Variants in B4GALNT3 observed in about 807,000 individuals in gnomAD.
B4GALNT3 encodes beta-1,4-N-acetyl-galactosaminyltransferase 3, also known as beta-1,4-N-acetylgalactosaminyltransferase 3.
In B4GALNT3, 86 loss-of-function variants were observed where a neutral mutation model predicts 120.2. The observed-to-expected ratio is 0.72, with a 90% confidence interval of 0.60 to 0.86. The LOEUF (loss-of-function observed/expected upper bound fraction) is 0.86. Ranked by LOEUF, B4GALNT3 falls within the 40% of genes least tolerant of loss-of-function variation. The probability of loss-of-function intolerance (pLI) is 0.00; values close to 1 mark genes in which losing one functional copy is unlikely to be tolerated. For synonymous variants in B4GALNT3, 518 were observed against 510.4 expected (o/e 1.01, Z -0.20); for missense variants, 1,167 against 1,298.9 (o/e 0.90, Z 1.56).
At chr12:498,410 A>G (rs1946408854) in intron 1 of B4GALNT3, among the ~76,000 whole-genome samples, 2 of 152,102 alleles carry the variant, frequency 1.3e-5, no homozygotes, top group Non-Finnish European at 2.9e-5. Flanking sequence ...ACCCTCTACC[A>G]TGCACTAGAA....
At chr12:517,822 C>T (rs1046632931) in intron 1 of B4GALNT3, among the ~76,000 whole-genome samples, 23 of 152,150 alleles carry the variant, frequency 1.5e-4, no homozygotes, top group African/African-American at 5.6e-4. Context: ...CATTAGCGGC[C>T]GTGGCAGGAC....
At chr12:506,916 G>A (rs535592797) in intron 1 of B4GALNT3, among the ~76,000 whole-genome samples, 70 of 152,358 alleles carry the variant, frequency 4.6e-4, no homozygotes, top group African/African-American at 1.6e-3. Context: ...GATTACAGGC[G>A]TGAGCCACCG....
chr12:546,551 A>G, intron 6 of B4GALNT3, 95 bp from the exon 7 acceptor site: 1 of 1,120,290 alleles, frequency 8.9e-7, no homozygotes, highest in Non-Finnish European at 1.3e-6. Context: ...TTTTTCTCTC[A>G]CTTCTTGGTT....
intron 14 of B4GALNT3, 131 bp downstream of exon 14, chr12:554,114 C>T (rs1592057456): frequency 4.5e-6 from 3 of 664,032 alleles, no homozygotes; most frequent in East Asian, 5.4e-5. Flanking sequence ...GCCCCCGACT[C>T]AGGCTCCTGG....
chr12:512,986 G>A (rs1233724884), intron 1 of B4GALNT3, among the ~76,000 whole-genome samples: 1 of 39,816 alleles, frequency 2.5e-5, no homozygotes, highest in Non-Finnish European at 5.0e-5. Flanking sequence ...TTCCACCTTC[G>A]ATCTTCCTTC....
intron 1 of B4GALNT3, among the ~76,000 whole-genome samples, chr12:494,418 AT>A (rs1219446190): frequency 6.6e-6 from 1 of 152,126 alleles, no homozygotes; most frequent in Admixed American, 6.5e-5. Context: ...AACCCCTTAC[AT>A]TAAACTAAAT....
intron 1 of B4GALNT3, among the ~76,000 whole-genome samples, chr12:525,170 G>A (rs1322807756): frequency 2.0e-5 from 3 of 152,238 alleles, no homozygotes; most frequent in East Asian, 3.9e-4. Flanking sequence ...GTGCAGTGGT[G>A]TGATCTCGGC....
rs1034741890 is a variant in B4GALNT3 at position 552,629 on chromosome 12, C to T, written c.1270+101C>T. 8 of 1,160,688 alleles carry T rather than the reference C, an allele frequency of 6.9e-6. No individual in the cohort carries two copies. In the African/African-American group the frequency reaches 9.3e-5, roughly 13 times the overall value. The allele number at this position is 1,160,688 out of a possible 1,614,324, so 71.9% of individuals were successfully genotyped here. On this transcript the variant is annotated intron_variant, in intron 13 of 19. Coordinates refer to ENST00000266383, the MANE Select transcript of B4GALNT3 (RefSeq NM_173593.4). Reference sequence around the variant, plus strand: ...CCGTGCCAGCCCCGCCCCTGAGGAGCTCAAGATCCAAATCACGTGACCTCT... The same window carrying T: ...CCGTGCCAGCCCCGCCCCTGAGGAGTTCAAGATCCAAATCACGTGACCTCT...
chr12:549,242 A>T (rs77020377), intron 9 of B4GALNT3, among the ~76,000 whole-genome samples: 8,568 of 152,134 alleles, frequency 0.056, 325 homozygotes, highest in Non-Finnish European at 0.084. Context: ...GGATGCTGAA[A>T]CTAGATCACC....
At chr12:509,717 C>T (rs376284991) in intron 1 of B4GALNT3, among the ~76,000 whole-genome samples, 1 of 152,082 alleles carries the variant, frequency 6.6e-6, no homozygotes, top group African/African-American at 2.4e-5. Context: ...GGGATGCCTC[C>T]GAGGTGGTGT....
chr12:518,622 C>T (rs1354427242), intron 1 of B4GALNT3, among the ~76,000 whole-genome samples: 2 of 152,060 alleles, frequency 1.3e-5, no homozygotes, highest in Non-Finnish European at 2.9e-5. Context: ...TGGTCTCCAA[C>T]TCCTGGGCTC....
In B4GALNT3 at chr12:548,353, C is replaced by G. The variant is rs994049688; in HGVS notation, c.853+56C>G. On this transcript the variant is annotated intron_variant, in intron 9 of 19. Coordinates refer to ENST00000266383, the MANE Select transcript of B4GALNT3 (RefSeq NM_173593.4). This position sits in a 1 kb window ranked among gnomAD's most constrained non-coding sequence, Gnocchi z 4.9. Reference sequence around the variant, plus strand: ...GGAGGCCAGGTGGGGACAGCCTACCCTGGGGGATTTGGCAGGGGAGGAGGG... The same window carrying G: ...GGAGGCCAGGTGGGGACAGCCTACCGTGGGGGATTTGGCAGGGGAGGAGGG... 3.2e-6 allele frequency: 5 copies of G among 1,556,542 alleles called. No homozygotes were observed. The highest frequency in any genetic ancestry group is 4.4e-6 in the Non-Finnish European group (5 of 1,128,386).
chr12:491,475 G>C (rs11513719), intron 1 of B4GALNT3, among the ~76,000 whole-genome samples: 2 of 151,656 alleles, frequency 1.3e-5, no homozygotes, highest in Non-Finnish European at 2.9e-5. Flanking sequence ...GATTACAGGC[G>C]TGCACCATCA....
intron 1 of B4GALNT3, among the ~76,000 whole-genome samples, chr12:476,501 C>T (rs905390252): frequency 6.6e-6 from 1 of 152,114 alleles, no homozygotes; most frequent in Non-Finnish European, 1.5e-5. Context: ...GTTATTAATA[C>T]TTGGGAGGCT....
At chr12:484,693 G>C (rs215228) in intron 1 of B4GALNT3, among the ~76,000 whole-genome samples, 64,579 of 151,594 alleles carry the variant, frequency 0.43, 14,253 homozygotes, top group South Asian at 0.58. Flanking sequence ...CCTGGATGCC[G>C]CCTGGCCCCA....
intron 1 of B4GALNT3, among the ~76,000 whole-genome samples, chr12:510,632 G>A (rs1432370799): frequency 6.7e-6 from 1 of 149,094 alleles, no homozygotes; most frequent in Non-Finnish European, 1.5e-5. Context: ...AGGGGGTTGG[G>A]TATGAGAGGG....
chr12:526,068 G>T (rs1037475008), intron 1 of B4GALNT3, among the ~76,000 whole-genome samples: 6 of 152,194 alleles, frequency 3.9e-5, no homozygotes, highest in African/African-American at 1.4e-4. Flanking sequence ...TGGCCTGTGT[G>T]TGCCCTGCAT....
At chr12:499,055 C>T (rs551901107) in intron 1 of B4GALNT3, among the ~76,000 whole-genome samples, 3 of 152,278 alleles carry the variant, frequency 2.0e-5, no homozygotes, top group East Asian at 3.9e-4. Flanking sequence ...TATTCTAGAG[C>T]AGGGCCCAGA....
In B4GALNT3 at chr12:561,642, G is replaced by T. The variant is rs34798889; in HGVS notation, c.*191G>T. 1.7e-6 allele frequency: 1 copy of T among 576,240 alleles called. No homozygotes were observed. Among genetic ancestry groups the T allele is most frequent in the South Asian group, 2.2e-5 (1 of 46,358 alleles). The allele number at this position is 576,240 out of a possible 1,614,324, so 35.7% of individuals were successfully genotyped here. ...TCCGGGGCTCCTGTCTCTGCCTCCT[G>T]GGCCTTCAGAAGGGAGGACTTTGAG... On this transcript the variant is annotated 3_prime_UTR_variant, in exon 20 of 20. Coordinates refer to ENST00000266383, the MANE Select transcript of B4GALNT3 (RefSeq NM_173593.4).
Sources: gnomAD v4.1 joint callset for allele counts (sites outside exome capture counted in the v4.1 genomes callset) on GRCh38, gnomAD v4.1.1 for gene constraint, Gnocchi (gnomAD v3.1) non-coding constraint, MANE v1.5 for transcripts, NCBI Gene and HGNC (gene_info 2026-07-23, HGNC 2026-07-21) for gene names.